The following DIP2C variants were observed in gnomAD, a reference collection of about 807,000 sequenced individuals.
The protein encoded by DIP2C is disco-interacting protein 2 homolog C.
DIP2C carries 33 observed loss-of-function variants against 192.4 expected under a neutral mutation model. The observed-to-expected ratio is 0.17, with a 90% confidence interval of 0.13 to 0.23. The LOEUF is 0.23. DIP2C is among the 10% of genes least tolerant of loss of function. The pLI is 1.00. For synonymous variants in DIP2C, 979 were observed against 864.1 expected (o/e 1.13, Z -2.33); for missense variants, 1,537 against 2,110.1 (o/e 0.73, Z 5.32).
intron 3 of DIP2C, among the ~76,000 whole-genome samples, chr10:468,550 C>T (rs1589862579): frequency 1.3e-5 from 2 of 152,180 alleles, no homozygotes; most frequent in South Asian, 2.1e-4. Context: ...CACTTGAGGT[C>T]GGGAGTTCTA....
At chr10:402,635 T>C in intron 9 of DIP2C, among the ~76,000 whole-genome samples, 1 of 18,084 alleles carries the variant, frequency 5.5e-5, no homozygotes, top group African/African-American at 5.9e-5. Flanking sequence ...ATCCTATGAT[T>C]TTACATGAGT....
intron 2 of DIP2C, among the ~76,000 whole-genome samples, chr10:475,947 T>C (rs1842997786): frequency 6.6e-6 from 1 of 152,126 alleles, no homozygotes; most frequent in Admixed American, 6.6e-5. Flanking sequence ...AGCACAAACA[T>C]GAACAATCAC....
chr10:467,065 T>C (rs1300737890), intron 3 of DIP2C, among the ~76,000 whole-genome samples: 1 of 151,666 alleles, frequency 6.6e-6, no homozygotes, highest in Non-Finnish European at 1.5e-5. Context: ...ATCATGCTGC[T>C]ATAAAGACAC....
intron 1 of DIP2C, among the ~76,000 whole-genome samples, chr10:628,254 T>C (rs1234093425): frequency 3.3e-5 from 5 of 152,216 alleles, no homozygotes; most frequent in African/African-American, 7.2e-5. Flanking sequence ...GGTAGAACAG[T>C]GTTCCATAAA....
At chr10:348,522 C>T (rs538914286) in intron 26 of DIP2C, 119 bp downstream of exon 26, 4 of 1,500,456 alleles carry the variant, frequency 2.7e-6, no homozygotes, top group African/African-American at 2.8e-5. Flanking sequence ...CGTTTGACTC[C>T]AGACACACCC....
intron 1 of DIP2C, among the ~76,000 whole-genome samples, chr10:683,090 C>CA (rs1831190134): frequency 6.6e-6 from 1 of 152,212 alleles, no homozygotes; most frequent in African/African-American, 2.4e-5. Flanking sequence ...CCCCGCAGCC[C>CA]AAAACCGAAG....
chr10:622,374 A>AGGGG (rs1853924263), intron 1 of DIP2C, among the ~76,000 whole-genome samples: 1 of 22,320 alleles, frequency 4.5e-5, no homozygotes. Flanking sequence ...GGGGGAGAGA[A>AGGGG]GAAGGGGGAG....
intron 1 of DIP2C, among the ~76,000 whole-genome samples, chr10:549,934 G>A (rs1462546691): frequency 6.6e-6 from 1 of 151,896 alleles, no homozygotes; most frequent in African/African-American, 2.4e-5. Context: ...GCCTGACAAT[G>A]CAGAGTCCCC....
At chr10:396,039 G>C (rs1200693294) in intron 10 of DIP2C, among the ~76,000 whole-genome samples, 2 of 152,180 alleles carry the variant, frequency 1.3e-5, no homozygotes. Flanking sequence ...GCTCTCAGCT[G>C]AGGGGGACTG....
At chr10:484,163 A>G (rs1056524233) in intron 2 of DIP2C, among the ~76,000 whole-genome samples, 1 of 152,120 alleles carries the variant, frequency 6.6e-6, no homozygotes, top group African/African-American at 2.4e-5. Context: ...CGAACCTAAA[A>G]CTTCCACCTG....
intron 1 of DIP2C, among the ~76,000 whole-genome samples, chr10:638,022 T>C (rs1588651375): frequency 6.6e-6 from 1 of 152,216 alleles, no homozygotes; most frequent in South Asian, 2.1e-4. Context: ...AAGGGCCAGA[T>C]GCCTGGCAGC....
intron 26 of DIP2C, among the ~76,000 whole-genome samples, chr10:348,092 T>C (rs1958606690): frequency 1.3e-5 from 2 of 152,202 alleles, no homozygotes; most frequent in South Asian, 4.1e-4. Context: ...GAGTGGCCAC[T>C]GTGCAGGTCT....
chr10:383,502 C>T (rs771247809), intron 16 of DIP2C, among the ~76,000 whole-genome samples: 1 of 152,212 alleles, frequency 6.6e-6, no homozygotes, highest in Non-Finnish European at 1.5e-5. Context: ...TTCTGTGGAG[C>T]TGCTAATTTA....
chr10:532,524 T>G (rs1383514287), intron 1 of DIP2C, among the ~76,000 whole-genome samples: 4 of 147,878 alleles, frequency 2.7e-5, no homozygotes, highest in Non-Finnish European at 4.5e-5. Context: ...TTTGTGTGGG[T>G]GTGTGAGAGA....
At chr10:295,981 T>C (rs1291991366) in intron 32 of DIP2C, among the ~76,000 whole-genome samples, 2 of 152,366 alleles carry the variant, frequency 1.3e-5, no homozygotes, top group East Asian at 3.9e-4. Flanking sequence ...GACTCTTTCT[T>C]GTAAATTTGT....
At chr10:576,726 G>A (rs919842399) in intron 1 of DIP2C, among the ~76,000 whole-genome samples, 1 of 152,098 alleles carries the variant, frequency 6.6e-6, no homozygotes, top group Non-Finnish European at 1.5e-5. Context: ...TGGCCAACAT[G>A]GCAAAACCCC....
At chr10:531,112 C>T (rs573595340) in intron 1 of DIP2C, among the ~76,000 whole-genome samples, 4 of 152,192 alleles carry the variant, frequency 2.6e-5, no homozygotes, top group African/African-American at 4.8e-5. Context: ...CATCTTTGGT[C>T]GTGACGCGCT....
intron 22 of DIP2C, among the ~76,000 whole-genome samples, chr10:359,166 T>C (rs114176520): frequency 0.032 from 4,914 of 152,144 alleles, 209 homozygotes; most frequent in African/African-American, 0.1. Context: ...TGACAACCGA[T>C]GTCCCTCGGC....
intron 1 of DIP2C, among the ~76,000 whole-genome samples, chr10:582,630 G>A (rs575393031): frequency 1.2e-4 from 18 of 152,272 alleles, no homozygotes; most frequent in Non-Finnish European, 2.2e-4. Flanking sequence ...ATGCGTTTAG[G>A]TGGAGGAAAC....
Sources: allele counts gnomAD v4.1 joint callset (sites outside exome capture counted in the v4.1 genomes callset), GRCh38; gene constraint gnomAD v4.1.1; transcripts MANE v1.5; gene names NCBI Gene and HGNC (gene_info 2026-07-23, HGNC 2026-07-21).